NTRK3: variants seen among roughly 807,000 people sequenced by gnomAD.
NTRK3 encodes the protein neurotrophic receptor tyrosine kinase 3, also known as NT-3 growth factor receptor.
In NTRK3, 24 loss-of-function variants were observed where a neutral mutation model predicts 91.7. The observed-to-expected ratio is 0.26, with a 90% CI of 0.19 to 0.37. The LOEUF (loss-of-function observed/expected upper bound fraction) is 0.37. Among genes scored for constraint, NTRK3 ranks in the 10% least tolerant of loss-of-function variants. The pLI is 1.00. For missense variants in NTRK3, 880 were observed against 1,068.9 expected (o/e 0.82, Z 2.46); for synonymous variants, 483 against 404.0 (o/e 1.20, Z -2.34).
intron 13 of NTRK3, among the ~76,000 whole-genome samples, chr15:88,047,571 A>G (rs2080343491): frequency 6.6e-6 from 1 of 152,214 alleles, no homozygotes; most frequent in Admixed American, 6.5e-5. Context: ...TAGCCAATTC[A>G]TTAAAACTCC....
intron 3 of NTRK3, among the ~76,000 whole-genome samples, chr15:88,185,954 C>T (rs1373884904): frequency 6.6e-6 from 1 of 152,172 alleles, no homozygotes; most frequent in Non-Finnish European, 1.5e-5. Context: ...GACCAGGTGG[C>T]CAGGTTGGTG....
chr15:88,134,089 TG>T (rs2041645313), intron 10 of NTRK3, among the ~76,000 whole-genome samples: 2 of 152,336 alleles, frequency 1.3e-5, no homozygotes, highest in South Asian at 4.1e-4. Flanking sequence ...TGTGTGAGCA[TG>T]CATGTGCATG....
intron 14 of NTRK3, among the ~76,000 whole-genome samples, chr15:87,985,284 G>A (rs1364106079): frequency 6.6e-6 from 1 of 152,168 alleles, no homozygotes; most frequent in Non-Finnish European, 1.5e-5. Context: ...TCATCCACTG[G>A]CTGTGTCTTC....
intron 14 of NTRK3, among the ~76,000 whole-genome samples, chr15:88,026,464 C>T (rs956285345): frequency 1.3e-5 from 2 of 151,978 alleles, no homozygotes; most frequent in African/African-American, 2.4e-5. Flanking sequence ...GATCAGTGGT[C>T]GCCAGGGATT....
intron 13 of NTRK3, among the ~76,000 whole-genome samples, chr15:88,095,965 T>A (rs2049547374): frequency 1.3e-5 from 2 of 152,218 alleles, no homozygotes; most frequent in African/African-American, 4.8e-5. Context: ...TTGTCCATTT[T>A]TAGCAGCCCA....
At chr15:87,992,552 A>G (rs949911010) in intron 14 of NTRK3, among the ~76,000 whole-genome samples, 5 of 152,218 alleles carry the variant, frequency 3.3e-5, no homozygotes, top group African/African-American at 9.6e-5. Flanking sequence ...TTTCTTAATA[A>G]GACTATTTGG....
intron 5 of NTRK3, among the ~76,000 whole-genome samples, chr15:88,159,876 C>T (rs2044272126): frequency 2.0e-5 from 3 of 151,540 alleles, no homozygotes; most frequent in Non-Finnish European, 2.9e-5. Flanking sequence ...CCCAAAGTGC[C>T]TCCTACACCT....
At chr15:88,137,362 T>C (rs1211858075) in intron 7 of NTRK3, 42 bp downstream of exon 7, 1 of 1,608,736 alleles carries the variant, frequency 6.2e-7, no homozygotes, top group African/African-American at 1.3e-5. Flanking sequence ...GTCTGAGGGA[T>C]GCCTCCCTGG....
At chr15:88,203,714 G>C (rs1286759559) in intron 3 of NTRK3, among the ~76,000 whole-genome samples, 4 of 152,054 alleles carry the variant, frequency 2.6e-5, no homozygotes, top group Admixed American at 6.5e-5. Flanking sequence ...CTAGAATAAA[G>C]AAAAGATAAA....
chr15:87,929,545 T>TC, intron 16 of NTRK3, 111 bp from the exon 17 acceptor site: 1 of 1,339,956 alleles, frequency 7.5e-7, no homozygotes, highest in Non-Finnish European at 1.0e-6. Flanking sequence ...AAATAAAATT[T>TC]CCCTTTCCAT....
At chr15:88,166,300 G>A (rs1203035325) in intron 5 of NTRK3, among the ~76,000 whole-genome samples, 2 of 152,190 alleles carry the variant, frequency 1.3e-5, no homozygotes, top group Non-Finnish European at 2.9e-5. Context: ...TCCCTCTACT[G>A]TTTACATCTG....
At chr15:88,046,719 C>A (rs1165558138) in intron 13 of NTRK3, among the ~76,000 whole-genome samples, 1 of 152,206 alleles carries the variant, frequency 6.6e-6, no homozygotes, top group African/African-American at 2.4e-5. Context: ...TCTCCCCACA[C>A]ACCTGGACAG....
chr15:88,191,407 C>T (rs1181199188), intron 3 of NTRK3, among the ~76,000 whole-genome samples: 3 of 152,152 alleles, frequency 2.0e-5, no homozygotes, highest in Non-Finnish European at 2.9e-5. Flanking sequence ...AGGCTGGTTG[C>T]GAAATCCTGG....
At chr15:88,195,741 C>G (rs1597885112) in intron 3 of NTRK3, among the ~76,000 whole-genome samples, 1 of 152,192 alleles carries the variant, frequency 6.6e-6, no homozygotes, top group Non-Finnish European at 1.5e-5. Context: ...GGCAGGGAGA[C>G]AGACATTGAT....
At chr15:88,212,440 G>A (rs150991687) in intron 3 of NTRK3, among the ~76,000 whole-genome samples, 3 of 152,206 alleles carry the variant, frequency 2.0e-5, no homozygotes, top group South Asian at 2.1e-4. Context: ...TCTTTAACAC[G>A]TGCCCATAGT....
intron 17 of NTRK3, among the ~76,000 whole-genome samples, chr15:87,880,997 A>G (rs888283263): frequency 1.3e-5 from 2 of 152,264 alleles, no homozygotes; most frequent in Non-Finnish European, 2.9e-5. Flanking sequence ...GGAGATGGAC[A>G]GAAAGAGAAT....
intron 13 of NTRK3, among the ~76,000 whole-genome samples, chr15:88,111,444 C>G (rs893635900): frequency 1.5e-4 from 23 of 152,172 alleles, no homozygotes; most frequent in African/African-American, 5.5e-4. Flanking sequence ...GCTGGGTAAG[C>G]AGCTTATTAA....
intron 5 of NTRK3, among the ~76,000 whole-genome samples, chr15:88,155,420 C>T (rs192621454): frequency 2.0e-5 from 3 of 152,350 alleles, no homozygotes; most frequent in Admixed American, 2.0e-4. Context: ...ATGCTGACCT[C>T]CCTACACTTT....
intron 3 of NTRK3, among the ~76,000 whole-genome samples, chr15:88,244,934 A>G (rs1328433662): frequency 1.3e-5 from 2 of 152,236 alleles, no homozygotes; most frequent in African/African-American, 2.4e-5. Context: ...ATTACCCTAG[A>G]TAGAGATTTC....
Sources: gnomAD v4.1 joint callset for allele counts (sites outside exome capture counted in the v4.1 genomes callset) on GRCh38, gnomAD v4.1.1 for gene constraint, MANE v1.5 for transcripts, NCBI Gene and HGNC (gene_info 2026-07-23, HGNC 2026-07-21) for gene names.